The following AFDN variants were observed in gnomAD, a reference collection of about 807,000 sequenced individuals.
AFDN encodes the protein afadin, adherens junction formation factor.
In AFDN, 68 loss-of-function variants were observed where a neutral mutation model predicts 216.6. That is an observed-to-expected ratio of 0.31 (90% CI 0.26 to 0.38). AFDN has a LOEUF of 0.38. Ranked by LOEUF, AFDN falls within the 10% of genes least tolerant of loss-of-function variation. AFDN has a pLI of 1.00. For synonymous variants in AFDN, 868 were observed against 853.7 expected (o/e 1.02, Z -0.29); for missense variants, 2,136 against 2,342.0 (o/e 0.91, Z 1.82).
At chr6:167,906,115 CA>C (rs1424560952) in intron 12 of AFDN, among the ~76,000 whole-genome samples, 1 of 151,944 alleles carries the variant, frequency 6.6e-6, no homozygotes, top group South Asian at 2.1e-4. Context: ...GAAAAAAAAC[CA>C]AAAAACTCTT....
chr6:167,891,404 G>GGGGTGTGTGT (rs1350794338), intron 8 of AFDN, among the ~76,000 whole-genome samples: 18 of 138,156 alleles, frequency 1.3e-4, no homozygotes, highest in East Asian at 1.1e-3. Flanking sequence ...TTCATAAAGG[G>GGGGTGTGTGT]GTGGGTGTGT....
chr6:167,912,387 TC>T (rs1166505985), intron 15 of AFDN, among the ~76,000 whole-genome samples: 1 of 152,358 alleles, frequency 6.6e-6, no homozygotes, highest in Non-Finnish European at 1.5e-5. Flanking sequence ...GTTGCTTTTC[TC>T]CTGGCAGGAT....
intron 27 of AFDN, among the ~76,000 whole-genome samples, chr6:167,947,201 G>A (rs1245005621): frequency 6.7e-6 from 1 of 149,570 alleles, no homozygotes; most frequent in East Asian, 1.9e-4. Flanking sequence ...TTGAGACGGA[G>A]TCTCACTCTC....
chr6:167,850,518 A>G (rs927226764), intron 1 of AFDN, among the ~76,000 whole-genome samples: 7 of 152,176 alleles, frequency 4.6e-5, no homozygotes, highest in South Asian at 2.1e-4. Flanking sequence ...ATCATTTGCT[A>G]TAGTTTGAGT....
chr6:167,907,050 G>T (rs1478971876), intron 12 of AFDN, 121 bp from the exon 13 acceptor site: 2 of 686,944 alleles, frequency 2.9e-6, no homozygotes, highest in Admixed American at 4.7e-5. Flanking sequence ...TTATTTCCTG[G>T]TCTGTGTTCT....
intron 6 of AFDN, among the ~76,000 whole-genome samples, chr6:167,888,099 T>C (rs896959429): frequency 2.0e-5 from 3 of 152,200 alleles, no homozygotes; most frequent in Non-Finnish European, 2.9e-5. Flanking sequence ...TGGCTCTAAA[T>C]GTTTGATAAA....
intron 1 of AFDN, among the ~76,000 whole-genome samples, chr6:167,859,390 A>G (rs1269372868): frequency 6.6e-6 from 1 of 152,200 alleles, no homozygotes; most frequent in Admixed American, 6.5e-5. Flanking sequence ...AGACACCAGC[A>G]TAAGAAATAA....
chr6:167,890,794 A>G, intron 7 of AFDN, 68 bp from the exon 8 acceptor site: 2 of 1,481,328 alleles, frequency 1.4e-6, no homozygotes, highest in South Asian at 1.3e-5. Context: ...TGCACAGTTG[A>G]CTGCCAGTCA....
chr6:167,897,641 C>CATT (rs1562631167), intron 10 of AFDN, among the ~76,000 whole-genome samples: 4 of 90,620 alleles, frequency 4.4e-5, no homozygotes, highest in African/African-American at 2.2e-4. Context: ...TGACTGTATG[C>CATT]CTTTTTTTTT....
intron 30 of AFDN, among the ~76,000 whole-genome samples, chr6:167,955,324 A>G (rs890426874): frequency 1.3e-5 from 2 of 152,156 alleles, no homozygotes; most frequent in Non-Finnish European, 2.9e-5. Flanking sequence ...CACAGCGGTA[A>G]TAACACCTTA....
chr6:167,928,397 G>C (rs139408747), intron 23 of AFDN, among the ~76,000 whole-genome samples: 5 of 152,358 alleles, frequency 3.3e-5, no homozygotes, highest in African/African-American at 1.2e-4. Flanking sequence ...CTGAGCCTCT[G>C]TTCAGTTTTA....
chr6:167,903,888 A>G (rs1789307405), intron 12 of AFDN, among the ~76,000 whole-genome samples: 1 of 152,114 alleles, frequency 6.6e-6, no homozygotes, highest in Non-Finnish European at 1.5e-5. Context: ...GTCCTGTCTT[A>G]CTTGTTGCAG....
chr6:167,836,417 T>A (rs1229577362), intron 1 of AFDN, among the ~76,000 whole-genome samples: 1 of 152,214 alleles, frequency 6.6e-6, no homozygotes, highest in African/African-American at 2.4e-5. Context: ...TTTAGTTGTA[T>A]TTTCCCTTGG....
At chr6:167,902,180 T>G (rs992471477) in intron 11 of AFDN, 137 bp from the exon 12 acceptor site, 1 of 590,148 alleles carries the variant, frequency 1.7e-6, no homozygotes, top group African/African-American at 1.9e-5. Flanking sequence ...TTCTGTAAGT[T>G]CGTGTGCTGA....
rs1162469825 is a variant in AFDN, at chr6:167,896,888, C to T, written c.1233C>T (p.Asp411=). 3.7e-6 allele frequency: 6 copies of T among 1,611,172 alleles called. No individual in the cohort carries two copies. The highest frequency in any genetic ancestry group is 5.1e-6 in the Non-Finnish European group (6 of 1,177,442). ...YNYHTYEDGS[D]SRDKPKLYRL... is the part of the protein sequence containing the mutation. ...CTTCTCTTCTCACAGATGGTTCTGA[C>T]TCTAGAGATAAGCCAAAGCTTTACC... Residue 411 remains aspartate, a synonymous_variant, in exon 10 of 34, where the codon GAC becomes GAT. Transcript: ENST00000683244.
At chr6:167,969,384 T>A (rs1797861484) in intron 33 of AFDN, among the ~76,000 whole-genome samples, 186 bp downstream of exon 33, 1 of 152,150 alleles carries the variant, frequency 6.6e-6, no homozygotes, top group Non-Finnish European at 1.5e-5. Context: ...ACCAGAAAAA[T>A]CATCAGTACT....
intron 3 of AFDN, 120 bp from the exon 4 acceptor site, chr6:167,872,094 T>C: frequency 1.1e-6 from 1 of 904,142 alleles, no homozygotes; most frequent in Non-Finnish European, 1.7e-6. Context: ...CAGACCTTCC[T>C]GTGTTTCAGT....
intron 26 of AFDN, among the ~76,000 whole-genome samples, chr6:167,945,032 T>A (rs1023941875): frequency 6.6e-6 from 1 of 152,116 alleles, no homozygotes; most frequent in Non-Finnish European, 1.5e-5. Context: ...GTAACTTTAC[T>A]ACATAAAATT....
chr6:167,859,341 G>A (rs138079641), intron 1 of AFDN, among the ~76,000 whole-genome samples: 1,557 of 152,238 alleles, frequency 0.01, 30 homozygotes, highest in African/African-American at 0.036. Flanking sequence ...TGTGTTGAAG[G>A]CACAGCTGTA....
Sources: allele counts gnomAD v4.1 joint callset (sites outside exome capture counted in the v4.1 genomes callset), GRCh38; gene constraint gnomAD v4.1.1; transcripts MANE v1.5; gene names NCBI Gene and HGNC (gene_info 2026-07-23, HGNC 2026-07-21).